Variants in VAV1 observed in about 807,000 individuals in gnomAD.
The protein encoded by VAV1 is vav guanine nucleotide exchange factor 1.
A neutral mutation model predicts 128.1 loss-of-function variants in VAV1; 33 were observed. That is an observed-to-expected ratio of 0.26 (90% CI 0.20 to 0.34). The LOEUF (loss-of-function observed/expected upper bound fraction) is 0.34. VAV1 is among the 10% of genes least tolerant of loss of function. The pLI, the probability that VAV1 is intolerant of heterozygous loss-of-function variation, is 1.00. For missense variants in VAV1, 715 were observed against 1,093.7 expected, an observed-to-expected ratio of 0.65 and a Z score of 4.88; for synonymous variants, 394 against 409.8, an observed-to-expected ratio of 0.96 and a Z score of 0.47.
chr19:6,776,876 G>A (rs1308223951), intron 1 of VAV1, among the ~76,000 whole-genome samples: 2 of 152,102 alleles, frequency 1.3e-5, no homozygotes, highest in Non-Finnish European at 2.9e-5. Flanking sequence ...TCCTGCCTCA[G>A]CCTCCTGAGT....
Position 6,821,631 on chromosome 19 carries a change from A to G in VAV1, c.331A>G (p.Thr111Ala), listed in dbSNP as rs780665383. ...CACTGCCCCGTCACAGGTCATCTACACCCTGTCTGCTCTGTCCTGGACCCC... is the reference window on the plus strand; with the variant it reads ...CACTGCCCCGTCACAGGTCATCTACGCCCTGTCTGCTCTGTCCTGGACCCC... Reference protein sequence around the residue: ...DVQDFGKVIYTLSALSWTPIA... With the variant: ...DVQDFGKVIYALSALSWTPIA... Residue 111 changes from threonine (T) to alanine (A), a missense_variant, in exon 3 of 27, where the codon ACC becomes GCC. Around this residue, in one of 3 missense-constraint regions of VAV1, gnomAD observed 302 missense variants for 477.8 expected, o/e 0.63. Transcript: ENST00000602142. The G allele has an allele frequency of 2.5e-6, 4 of 1,614,062 alleles. No individual in the cohort carries two copies. In the Admixed American group the frequency reaches 6.7e-5, roughly 27 times the overall value.
chr19:6,833,423 C>G, intron 16 of VAV1, 105 bp from the exon 17 acceptor site: 1 of 1,393,350 alleles, frequency 7.2e-7, no homozygotes. Flanking sequence ...CCGTCACTCT[C>G]CTGATCTAAA....
Position 6,826,604 on chromosome 19 carries a change from C to G in VAV1, c.828-8C>G. On this transcript the variant is annotated splice_polypyrimidine_tract_variant and splice_region_variant and intron_variant, in intron 8 of 26. Transcript: ENST00000602142. The surrounding 1 kb of genome is among the most constrained non-coding windows in gnomAD (Gnocchi z 4.1). ...ACCTTTACCTGGTGGCCTGTCTTCT[C>G]CCTGTAGGTTCCTCGTCTATGGCCG... 6.4e-7 allele frequency: 1 copy of G among 1,551,068 alleles called. No individual in the cohort carries two copies. The highest frequency in any genetic ancestry group is 1.2e-5 in the South Asian group (1 of 84,140).
Position 6,822,491 on chromosome 19 carries a change from G to T in VAV1, c.631G>T (p.Asp211Tyr), listed in dbSNP as rs1480926472. ...EIQQTEEKYT[D>Y]TLGSIQQHFL... ...CCAGCAGACGGAGGAGAAGTACACT[G>T]ACACGCTGGGCTCCATCCAGCAGGT... The change falls in exon 6 of 27, where the codon GAC becomes TAC. Residue 211 changes from aspartate (D) to tyrosine (Y), a missense_variant. By Grantham distance (160) the Asp-to-Tyr change is radical. This residue lies in a region of VAV1 where 302 missense variants were observed against 477.8 expected (regional missense o/e 0.63). Coordinates refer to ENST00000602142, the MANE Select transcript of VAV1 (RefSeq NM_005428.4). The surrounding 1 kb of genome is among the most constrained non-coding windows in gnomAD (Gnocchi z 5.9). 1 of 1,552,722 alleles carries T rather than the reference G, an allele frequency of 6.4e-7. No individual in the cohort carries two copies. Among genetic ancestry groups the T allele is most frequent in the South Asian group, 1.2e-5 (1 of 84,382 alleles).
intron 19 of VAV1, 86 bp downstream of exon 19, chr19:6,834,039 A>T: frequency 1.9e-6 from 3 of 1,588,836 alleles, no homozygotes; most frequent in Non-Finnish European, 2.6e-6. Flanking sequence ...CCATAATCAT[A>T]TTAACAGCCA....
intron 1 of VAV1, among the ~76,000 whole-genome samples, chr19:6,782,053 CGT>C (rs1568281954): frequency 6.6e-6 from 1 of 152,038 alleles, no homozygotes; most frequent in Non-Finnish European, 1.5e-5. Flanking sequence ...GAATGTTGGC[CGT>C]GCACATGGCT....
chr19:6,800,538 G>A (rs1971242225), intron 1 of VAV1, among the ~76,000 whole-genome samples: 1 of 152,076 alleles, frequency 6.6e-6, no homozygotes, highest in Non-Finnish European at 1.5e-5. Flanking sequence ...TCAAACTCCT[G>A]ACCTCAAGTG....
chr19:6,817,642 C>T (rs988061261), intron 1 of VAV1, among the ~76,000 whole-genome samples: 7 of 151,948 alleles, frequency 4.6e-5, no homozygotes, highest in East Asian at 1.9e-4. Context: ...GGATAGAAAA[C>T]GCCGGAGTAG....
chr19:6,832,257 AG>A, intron 15 of VAV1, 57 bp downstream of exon 15: 1 of 1,546,246 alleles, frequency 6.5e-7, no homozygotes, highest in South Asian at 1.1e-5. Flanking sequence ...GCTGGGAAGG[AG>A]GAACGTGATC....
intron 22 of VAV1, among the ~76,000 whole-genome samples, chr19:6,844,824 T>G (rs1274689955): frequency 1.3e-5 from 2 of 151,690 alleles, no homozygotes; most frequent in East Asian, 3.9e-4. Context: ...TCTCAGTCAT[T>G]AAGGTCCATC....
intron 1 of VAV1, among the ~76,000 whole-genome samples, chr19:6,797,504 A>G (rs1255521442): frequency 6.6e-6 from 1 of 151,920 alleles, no homozygotes; most frequent in Non-Finnish European, 1.5e-5. Flanking sequence ...GGAGTTCGAG[A>G]CTCAGCCTCA....
chr19:6,798,286 T>A (rs545670947), intron 1 of VAV1, among the ~76,000 whole-genome samples: 120 of 151,480 alleles, frequency 7.9e-4, no homozygotes, highest in Admixed American at 2.2e-3. Flanking sequence ...CAAAAAAAAA[T>A]ATATGATTTG....
At chr19:6,844,040 T>TTTC in intron 22 of VAV1, among the ~76,000 whole-genome samples, 1 of 124,042 alleles carries the variant, frequency 8.1e-6, no homozygotes, top group East Asian at 2.6e-4. Context: ...GCCCCCATAC[T>TTTC]TTCTTCTTTT....
chr19:6,853,912 C>T, intron 25 of VAV1, 35 bp from the exon 26 acceptor site: 1 of 1,598,944 alleles, frequency 6.3e-7, no homozygotes, highest in Non-Finnish European at 8.5e-7. Flanking sequence ...GTATCTGCCC[C>T]AGACCCTTTT....
At chr19:6,833,859 C>T (rs1314992746) in intron 18 of VAV1, 49 bp from the exon 19 acceptor site, 2 of 1,613,708 alleles carry the variant, frequency 1.2e-6, no homozygotes, top group Admixed American at 1.7e-5. Context: ...GGCCTACAAG[C>T]CCCCAGGCTG....
At chr19:6,825,935 A>G (rs1194356574) in intron 8 of VAV1, among the ~76,000 whole-genome samples, 1 of 152,172 alleles carries the variant, frequency 6.6e-6, no homozygotes, top group East Asian at 1.9e-4. Flanking sequence ...ATGCACCTGT[A>G]ATCCCAGTTA....
chr19:6,795,847 C>T (rs993490347), intron 1 of VAV1, among the ~76,000 whole-genome samples: 9 of 152,188 alleles, frequency 5.9e-5, no homozygotes, highest in Non-Finnish European at 1.0e-4. Context: ...CCGCGCCCAG[C>T]TAATTTTTGT....
intron 1 of VAV1, among the ~76,000 whole-genome samples, chr19:6,785,266 G>A (rs1413336443): frequency 6.6e-6 from 1 of 151,908 alleles, no homozygotes; most frequent in Non-Finnish European, 1.5e-5. Context: ...CCAACTTCTG[G>A]GCTCAAGTGA....
chr19:6,839,647 T>C (rs1332822739), intron 21 of VAV1, among the ~76,000 whole-genome samples: 2 of 152,190 alleles, frequency 1.3e-5, no homozygotes, highest in African/African-American at 2.4e-5. Context: ...ATTTTATTAT[T>C]ATTATTTTTG....
Sources: allele counts gnomAD v4.1 joint callset (sites outside exome capture counted in the v4.1 genomes callset), GRCh38; gene constraint gnomAD v4.1.1; regional missense constraint gnomAD v4.1.1; non-coding constraint Gnocchi (gnomAD v3.1); transcripts MANE v1.5; gene names NCBI Gene and HGNC (gene_info 2026-07-23, HGNC 2026-07-21).